Variants in DIPK1A observed in about 807,000 individuals in gnomAD.
DIPK1A encodes family with sequence similarity 69 member A.
In DIPK1A, 27 loss-of-function variants were observed where a neutral mutation model predicts 40.8. That is an observed-to-expected ratio of 0.66 (90% CI 0.49 to 0.91). The LOEUF is 0.91. DIPK1A is among the 40% of genes least tolerant of loss of function. DIPK1A has a pLI of 0.00. For synonymous variants in DIPK1A, 166 were observed against 171.3 expected, an observed-to-expected ratio of 0.97 and a Z score of 0.24; for missense variants, 412 against 505.7, an observed-to-expected ratio of 0.81 and a Z score of 1.78.
intron 1 of DIPK1A, among the ~76,000 whole-genome samples, chr1:92,947,278 A>G (rs879569677): frequency 2.6e-4 from 40 of 152,188 alleles, no homozygotes; most frequent in Admixed American, 1.2e-3. Flanking sequence ...ATATTTTTTA[A>G]AAGTATATAA....
At position 92,891,817 on chromosome 1, in the gene DIPK1A, C is replaced by T. The variant is rs537949288; in HGVS notation, c.55-15387G>A. On this transcript the variant is annotated intron_variant, in intron 1 of 4. Transcript: ENST00000370310. ...ATCGGGTCACTTTACCCTAATACTG[C>T]GCTTTTCCAATGGTCTTAGCAAACA... Among the ~76,000 whole-genome samples, 238 of 152,294 alleles carry T rather than the reference C, an allele frequency of 1.6e-3. 1 individual carries two copies. Among genetic ancestry groups the T allele is most frequent in the African/African-American group, 5.2e-3 (216 of 41,562 alleles).
At chr1:92,834,983 TG>T (rs1687060550) in intron 4 of DIPK1A, 4 of 1,591,184 alleles carry the variant, frequency 2.5e-6, no homozygotes, top group Admixed American at 1.7e-5. Flanking sequence ...GCAAGATGTT[TG>T]TACATGGATA....
intron 1 of DIPK1A, among the ~76,000 whole-genome samples, chr1:92,935,997 G>A (rs996703696): frequency 6.6e-6 from 1 of 152,054 alleles, no homozygotes; most frequent in Non-Finnish European, 1.5e-5. Flanking sequence ...TGGGATGATC[G>A]ATCACCTGGG....
intron 1 of DIPK1A, among the ~76,000 whole-genome samples, chr1:92,956,028 C>T (rs566880793): frequency 9.9e-5 from 15 of 151,220 alleles, no homozygotes; most frequent in East Asian, 5.8e-4. Context: ...AGAGGGAGAT[C>T]CTGTATCAAG....
chr1:92,952,841 T>A (rs1018024330), intron 1 of DIPK1A, among the ~76,000 whole-genome samples: 6 of 151,840 alleles, frequency 4.0e-5, no homozygotes, highest in Non-Finnish European at 8.8e-5. Flanking sequence ...AGATTTAAAA[T>A]AAATAAGGAG....
At chr1:92,952,339 G>C (rs190368985) in intron 1 of DIPK1A, among the ~76,000 whole-genome samples, 374 of 152,274 alleles carry the variant, frequency 2.5e-3, no homozygotes, top group Admixed American at 5.0e-3. Context: ...TTTAGTTTTG[G>C]CTGGGCATAG....
intron 4 of DIPK1A, chr1:92,845,432 G>A (rs1185089867): frequency 7.0e-6 from 2 of 287,384 alleles, no homozygotes; most frequent in Non-Finnish European, 1.3e-5. Context: ...ACTTTGGGAA[G>A]CCAAGGTGGG....
At chr1:92,837,774 C>T (rs1307343104), downstream of DIPK1A, 4 of 708,306 alleles carry the variant, frequency 5.6e-6, no homozygotes, top group Non-Finnish European at 9.9e-6. Context: ...TTTTAGTAAT[C>T]TTTTAGATGC....
chr1:92,853,471 T>C (rs375083864), intron 2 of DIPK1A, among the ~76,000 whole-genome samples: 4 of 152,152 alleles, frequency 2.6e-5, no homozygotes, highest in East Asian at 1.9e-4. Context: ...GATTTCTCCA[T>C]AGCCACATTC....
chr1:92,834,032 G>C (rs2100678276), intron 4 of DIPK1A: 1 of 305,458 alleles, frequency 3.3e-6, no homozygotes. Context: ...CCGAGGTTGA[G>C]GCTGCAGTGA....
chr1:92,849,290 T>C (rs1439543949), intron 3 of DIPK1A, among the ~76,000 whole-genome samples: 1 of 152,146 alleles, frequency 6.6e-6, no homozygotes, highest in East Asian at 1.9e-4. Context: ...TTGTACCTCC[T>C]GTCCCTCTGG....
At chr1:92,888,402 G>GTA (rs1370791216) in intron 1 of DIPK1A, among the ~76,000 whole-genome samples, 4 of 152,080 alleles carry the variant, frequency 2.6e-5, no homozygotes, top group African/African-American at 4.8e-5. Context: ...ATTCCATTAT[G>GTA]TATATATATC....
At chr1:92,839,031 C>CTTTTTTTTTTTT (rs35078348), downstream of DIPK1A, among the ~76,000 whole-genome samples, 1 of 118,308 alleles carries the variant, frequency 8.5e-6, no homozygotes. Context: ...AGAGTTGCAG[C>CTTTTTTTTTTTT]TTTTTTTTTT....
At chr1:92,873,058 A>G (rs1251437960) in intron 2 of DIPK1A, among the ~76,000 whole-genome samples, 2 of 152,152 alleles carry the variant, frequency 1.3e-5, no homozygotes, top group Non-Finnish European at 2.9e-5. Context: ...ATCCCTGCCC[A>G]TGCCCAGAAT....
At chr1:92,916,116 A>G (rs538027240) in intron 1 of DIPK1A, among the ~76,000 whole-genome samples, 1 of 151,986 alleles carries the variant, frequency 6.6e-6, no homozygotes, top group Non-Finnish European at 1.5e-5. Flanking sequence ...TGGGGGAGGG[A>G]GCAATGGGGT....
At chr1:92,926,833 G>A (rs1650534026) in intron 1 of DIPK1A, among the ~76,000 whole-genome samples, 3 of 152,056 alleles carry the variant, frequency 2.0e-5, no homozygotes, top group Admixed American at 2.0e-4. Context: ...CGAATTATTT[G>A]TTTGCACAGT....
intron 3 of DIPK1A, among the ~76,000 whole-genome samples, chr1:92,849,272 T>C (rs1230215231): frequency 1.3e-5 from 2 of 152,202 alleles, no homozygotes; most frequent in Non-Finnish European, 2.9e-5. Flanking sequence ...TATTTATTTA[T>C]CAACTGTTTG....
intron 2 of DIPK1A, among the ~76,000 whole-genome samples, chr1:92,869,902 G>A (rs1304236241): frequency 6.6e-6 from 1 of 152,136 alleles, no homozygotes; most frequent in African/African-American, 2.4e-5. Flanking sequence ...CCAGAAGTAT[G>A]TGTGGATATT....
chr1:92,863,166 C>T (rs1647354557), intron 2 of DIPK1A, among the ~76,000 whole-genome samples: 1 of 152,206 alleles, frequency 6.6e-6, no homozygotes, highest in Non-Finnish European at 1.5e-5. Flanking sequence ...CCCTACTAGT[C>T]TGTAAGCATC....
Sources: allele counts gnomAD v4.1 joint callset (sites outside exome capture counted in the v4.1 genomes callset), GRCh38; gene constraint gnomAD v4.1.1; transcripts MANE v1.5; gene names NCBI Gene and HGNC (gene_info 2026-07-23, HGNC 2026-07-21).